Variants in PSG8 observed in about 807,000 individuals in gnomAD.
PSG8 encodes pregnancy specific beta-1-glycoprotein 8.
In PSG8, 57 loss-of-function variants were observed where a neutral mutation model predicts 42.5. The ratio of observed to expected loss-of-function variants is 1.34; its 90% CI spans 1.08 to 1.67. The LOEUF (loss-of-function observed/expected upper bound fraction) is 1.67, where lower values mean the gene tolerates loss of function less well. Ranked by LOEUF, PSG8 falls within the 40% of genes most tolerant of loss-of-function variation. PSG8 has a pLI of 0.00. For synonymous variants in PSG8, 280 were observed against 196.8 expected (o/e 1.42, Z -3.54); for missense variants, 783 against 518.6 (o/e 1.51, Z -4.95).
At chr19:42,757,544 C>T (rs1164387328) in intron 3 of PSG8, among the ~76,000 whole-genome samples, 1 of 152,066 alleles carries the variant, frequency 6.6e-6, no homozygotes, top group African/African-American at 2.4e-5. Context: ...TGGGGACTTC[C>T]CCTGTATGGT....
At chr19:42,760,773 G>A (rs544985035) in intron 2 of PSG8, among the ~76,000 whole-genome samples, 94 of 152,124 alleles carry the variant, frequency 6.2e-4, no homozygotes, top group Non-Finnish European at 2.2e-4. Context: ...TAGTAGAGAC[G>A]AGGTTTCACC....
At chr19:42,753,909 A>G (rs749990356), downstream of PSG8, 2 of 514,606 alleles carry the variant, frequency 3.9e-6, no homozygotes, top group South Asian at 1.6e-5. Flanking sequence ...GCAGTCAGGT[A>G]GAAAGCAAAA....
chr19:42,754,316 T>C lies in PSG8; in HGVS notation c.1260A>G (p.Val420=). The C allele has an allele frequency of 6.2e-7, 1 of 1,613,732 alleles. No homozygotes were observed. Among genetic ancestry groups the C allele is most frequent in the Non-Finnish European group, 8.5e-7 (1 of 1,179,772 alleles). Reference sequence around the variant, plus strand: ...CCACCTAAATCCCTATTGCCAAGGATACTGGGATCCGCTTACCAGAGACTT... The same window carrying C: ...CCACCTAAATCCCTATTGCCAAGGACACTGGGATCCGCTTACCAGAGACTT... The part of the protein sequence containing the change: ...TVKVSGKRIP[V]SLAIGI The change falls in exon 5 of 5, where the codon GTA becomes GTG. Residue 420 remains valine (V), a synonymous_variant. Transcript: ENST00000306511.
downstream of PSG8, chr19:42,753,947 A>T (rs1275784640): frequency 1.8e-6 from 1 of 570,254 alleles, no homozygotes. Context: ...AGTTCAATAA[A>T]CTGCGGTATA....
At chr19:42,763,518 C>A (rs930980053) in intron 2 of PSG8, among the ~76,000 whole-genome samples, 2 of 152,252 alleles carry the variant, frequency 1.3e-5, no homozygotes, top group East Asian at 1.9e-4. Context: ...TTTAGGGACA[C>A]TGTTCTGGGG....
chr19:42,756,568 A>G (rs1215844987), intron 3 of PSG8, among the ~76,000 whole-genome samples: 1 of 152,132 alleles, frequency 6.6e-6, no homozygotes, highest in Non-Finnish European at 1.5e-5. Context: ...ATTTCTTTTC[A>G]GCATCAGATT....
In PSG8 at chr19:42,761,458, A is replaced by G. The variant is rs528757214; in HGVS notation, c.430+2458T>C. Among the ~76,000 whole-genome samples, 6 of 152,264 alleles carry G rather than the reference A, an allele frequency of 3.9e-5. No individual in the cohort carries two copies. In the South Asian group the frequency reaches 1.0e-3, roughly 26 times the overall value. On this transcript the variant is annotated intron_variant, in intron 2 of 4. Coordinates refer to ENST00000306511, the MANE Select transcript of PSG8 (RefSeq NM_182707.3). ...ACAAAAGTTGTAACTAATTGCTCCTATAGATAACATCACTATTGTAGAACG... is the reference window on the plus strand; with the variant it reads ...ACAAAAGTTGTAACTAATTGCTCCTGTAGATAACATCACTATTGTAGAACG...
At position 42,763,948 on chromosome 19, in the gene PSG8, C is replaced by T. The variant is rs1338094472; in HGVS notation, c.398G>A (p.Gly133Glu). ...HIIMGGDENR[G>E]VTGHFTFTLY... ...GGTGAAGGTGAAATGTCCAGTTACTCCTCTATTCTCATCACCTCCCATTAT... is the reference window on the plus strand; with the variant it reads ...GGTGAAGGTGAAATGTCCAGTTACTTCTCTATTCTCATCACCTCCCATTAT... Residue 133 changes from glycine to glutamate, a missense_variant, in exon 2 of 5, where the codon GGA (glycine) becomes GAA (glutamate). Gly to Glu is a moderately conservative substitution (Grantham distance 98, BLOSUM62 -2). Transcript: ENST00000306511. 6.2e-7 allele frequency: 1 copy of T among 1,613,566 alleles called. No homozygotes were observed. Among genetic ancestry groups the T allele is most frequent in the Non-Finnish European group, 8.5e-7 (1 of 1,179,794 alleles).
At chr19:42,760,329 C>G (rs756867099) in intron 2 of PSG8, among the ~76,000 whole-genome samples, 1 of 152,164 alleles carries the variant, frequency 6.6e-6, no homozygotes, top group Non-Finnish European at 1.5e-5. Context: ...GTCCCCAAAA[C>G]CACCAGTATT....
chr19:42,757,620 C>T (rs1969959664), intron 3 of PSG8, among the ~76,000 whole-genome samples: 1 of 152,092 alleles, frequency 6.6e-6, no homozygotes, highest in Non-Finnish European at 1.5e-5. Flanking sequence ...AATAATGTCA[C>T]AGGCGATATT....
chr19:42,755,528 T>G, intron 3 of PSG8: 2 of 769,016 alleles, frequency 2.6e-6, no homozygotes, highest in South Asian at 4.5e-5. Flanking sequence ...GACACGTCAG[T>G]GGAAGTCACA....
At chr19:42,753,046 G>A, downstream of PSG8, 2 of 574,152 alleles carry the variant, frequency 3.5e-6, no homozygotes, top group Non-Finnish European at 6.2e-6. Context: ...AAGTGAAAGA[G>A]GCAGGCATGA....
At position 42,754,409 on chromosome 19, in the gene PSG8, G is replaced by C. The variant is rs753863481; in HGVS notation, c.1167C>G (p.Ser389Arg). The change falls in exon 5 of 5, where the codon AGC (serine) becomes AGG (arginine). Residue 389 changes from serine (S) to arginine (R), a missense_variant. By Grantham distance (110) the Ser-to-Arg change is moderately radical. Coordinates refer to ENST00000306511, the MANE Select transcript of PSG8 (RefSeq NM_182707.3). ...LFIPQITTKH[S>R]GLYACSVRNS... ...TACGAACAGAGCAAGCATAGAGCCC[G>C]CTATGCTTTGTAGTAATTTGGGGGA... 13 of 1,613,648 alleles carry C rather than the reference G, an allele frequency of 8.1e-6. No individual in the cohort carries two copies. The highest frequency in any genetic ancestry group is 1.1e-5 in the Non-Finnish European group (13 of 1,179,796).
chr19:42,759,407 A>C (rs1479860947), intron 2 of PSG8, among the ~76,000 whole-genome samples: 1 of 152,180 alleles, frequency 6.6e-6, no homozygotes, highest in Non-Finnish European at 1.5e-5. Context: ...GTACAGCCTC[A>C]TGTCTATAGT....
In PSG8 at chr19:42,758,071, G is replaced by C. The variant is rs1327456298; in HGVS notation, c.640C>G (p.Pro214Ala). 6.2e-7 allele frequency: 1 copy of C among 1,613,906 alleles called. No homozygotes were observed. The highest frequency in any genetic ancestry group is 8.5e-7 in the Non-Finnish European group (1 of 1,179,962). The change falls in exon 3 of 5, where the codon CCC becomes GCC. Residue 214 changes from proline (P) to alanine (A), a missense_variant. Transcript: ENST00000306511. ...GGGTTCCGTATTTCACATTCATAGG[G>C]TCCTGCAGTGTACTTTGTGACACCC... ...LLGVTKYTAG[P>A]YECEIRNPVS...
chr19:42,753,823 A>G (rs1383524866), downstream of PSG8: 2 of 438,620 alleles, frequency 4.6e-6, no homozygotes, highest in African/African-American at 2.1e-5. Context: ...AAGAGAGCAG[A>G]TTGTTGCTGT....
At chr19:42,754,798 C>A (rs1395054478) in intron 4 of PSG8, 190 bp downstream of exon 4, 5 of 1,441,108 alleles carry the variant, frequency 3.5e-6, no homozygotes, top group African/African-American at 2.9e-5. Flanking sequence ...ACAAGAGCGT[C>A]CACTCCCCTT....
chr19:42,753,233 T>G, downstream of PSG8: 1 of 776,680 alleles, frequency 1.3e-6, no homozygotes, highest in Non-Finnish European at 2.4e-6. Flanking sequence ...ACCCTTCAGG[T>G]ACAAGGGTTT....
chr19:42,765,015 C>T (rs574071448), intron 1 of PSG8, among the ~76,000 whole-genome samples: 1 of 151,942 alleles, frequency 6.6e-6, no homozygotes, highest in Non-Finnish European at 1.5e-5. Context: ...GATGATTAAT[C>T]AGGAAAACAG....
Sources: gnomAD v4.1 joint callset for allele counts (sites outside exome capture counted in the v4.1 genomes callset) on GRCh38, gnomAD v4.1.1 for gene constraint, MANE v1.5 for transcripts, NCBI Gene and HGNC (gene_info 2026-07-23, HGNC 2026-07-21) for gene names.